ECPAS: variants seen among roughly 807,000 people sequenced by gnomAD.
ECPAS encodes the protein Ecm29 proteasome adaptor and scaffold, also known as proteasome adapter and scaffold protein ECM29.
ECPAS carries 70 observed loss-of-function variants against 255.1 expected under a neutral mutation model. The ratio of observed to expected loss-of-function variants is 0.27; its 90% CI spans 0.23 to 0.33. ECPAS has a LOEUF of 0.33. Ranked by LOEUF, ECPAS falls within the 10% of genes least tolerant of loss-of-function variation. The pLI, the probability that ECPAS is intolerant of heterozygous loss-of-function variation, is 1.00. For synonymous variants in ECPAS, 784 were observed against 775.0 expected, an observed-to-expected ratio of 1.01 and a Z score of -0.19; for missense variants, 1,817 against 2,206.4, an observed-to-expected ratio of 0.82 and a Z score of 3.54.
chr9:111,440,785 G>A (rs41416244), intron 5 of ECPAS, among the ~76,000 whole-genome samples: 6,247 of 152,238 alleles, frequency 0.041, 281 homozygotes, highest in East Asian at 0.14. Context: ...TACATCAAAT[G>A]GGCTCAGTGT....
In ECPAS at chr9:111,375,256, C is replaced by T. The variant is rs182705844; in HGVS notation, c.4021-54G>A. On this transcript the variant is annotated intron_variant, in intron 37 of 49. Coordinates refer to ENST00000684092, the MANE Select transcript of ECPAS (RefSeq NM_001364929.1). ...AGCCTTGGCAAATAAGTCAGGACCACATCTTCAATTAAAAACTGCCCTTGT... is the reference window on the plus strand; with the variant it reads ...AGCCTTGGCAAATAAGTCAGGACCATATCTTCAATTAAAAACTGCCCTTGT... 368 of 1,378,492 alleles carry T rather than the reference C, an allele frequency of 2.7e-4. 2 individuals are homozygous for T. In the African/African-American group the frequency reaches 4.8e-3, roughly 18 times the overall value. 85.4% of individuals were successfully genotyped at this position (1,378,492 alleles called of 1,614,324 possible).
chr9:111,414,341 T>A (rs1283106733), intron 19 of ECPAS, 88 bp downstream of exon 19: 1 of 1,134,376 alleles, frequency 8.8e-7, no homozygotes, highest in African/African-American at 1.5e-5. Flanking sequence ...AGAAAAAGAA[T>A]AATTTTGCTA....
intron 16 of ECPAS, among the ~76,000 whole-genome samples, chr9:111,418,917 A>C (rs1441012533): frequency 1.3e-5 from 2 of 152,206 alleles, no homozygotes; most frequent in Non-Finnish European, 2.9e-5. Context: ...AACAATCCAA[A>C]GCCACTTTAA....
intron 28 of ECPAS, 93 bp downstream of exon 28, chr9:111,392,675 T>C (rs903150470): frequency 1.3e-5 from 11 of 839,030 alleles, no homozygotes; most frequent in Non-Finnish European, 1.9e-5. Context: ...AACCAAAACA[T>C]GGAAAGCCGA....
rs887698734 is a variant in ECPAS, at chr9:111,429,880, C to T, written c.930+667G>A. On this transcript the variant is annotated intron_variant, in intron 9 of 49. Coordinates refer to ENST00000684092, the MANE Select transcript of ECPAS (RefSeq NM_001364929.1). Reference sequence around the variant, plus strand: ...AATGCAAGCATGCAAACAAATAATCCTTGTATATCTGGGTTTGGACCTGGA... The same window carrying T: ...AATGCAAGCATGCAAACAAATAATCTTTGTATATCTGGGTTTGGACCTGGA... 5.9e-4 allele frequency among the ~76,000 whole-genome samples: 90 copies of T among 152,212 alleles called. 1 individual carries two copies. Among genetic ancestry groups the T allele is most frequent in the Admixed American group, 5.8e-3 (89 of 15,280 alleles).
Position 111,397,165 on chromosome 9 carries a change from G to T in ECPAS, c.2653-12C>A. Reference sequence around the variant, plus strand: ...TCTATCTGCTTGGCCTGCAACGAAGGAAGTAAAAACCATGAATGAGAAAAC... The same window carrying T: ...TCTATCTGCTTGGCCTGCAACGAAGTAAGTAAAAACCATGAATGAGAAAAC... On this transcript the variant is annotated splice_polypyrimidine_tract_variant and intron_variant, in intron 24 of 49. Transcript: ENST00000684092. 6.2e-7 allele frequency: 1 copy of T among 1,612,658 alleles called. No individual in the cohort carries two copies. Among genetic ancestry groups the T allele is most frequent in the African/African-American group, 1.3e-5 (1 of 75,036 alleles).
At chr9:111,429,795 G>C (rs946917935) in intron 9 of ECPAS, among the ~76,000 whole-genome samples, 1 of 152,210 alleles carries the variant, frequency 6.6e-6, no homozygotes, top group Non-Finnish European at 1.5e-5. Flanking sequence ...CTTAAGCCCA[G>C]AAGTTCAAGT....
chr9:111,427,247 T>G (rs886720200), intron 10 of ECPAS, among the ~76,000 whole-genome samples: 2 of 151,610 alleles, frequency 1.3e-5, no homozygotes, highest in East Asian at 3.9e-4. Context: ...AATACTGCAA[T>G]AACCAAAACA....
intron 34 of ECPAS, 135 bp from the exon 35 acceptor site, chr9:111,383,467 C>T: frequency 8.4e-7 from 1 of 1,184,216 alleles, no homozygotes; most frequent in Non-Finnish European, 1.2e-6. Flanking sequence ...ACTACAGAGA[C>T]ACAGAGGAAT....
intron 3 of ECPAS, among the ~76,000 whole-genome samples, chr9:111,447,003 G>C (rs1216782245): frequency 6.6e-6 from 1 of 152,196 alleles, no homozygotes; most frequent in East Asian, 1.9e-4. Flanking sequence ...CTAAAGGAAA[G>C]AGCCCTCTTC....
chr9:111,393,321 G>A (rs955087451), intron 27 of ECPAS, among the ~76,000 whole-genome samples: 3 of 152,154 alleles, frequency 2.0e-5, no homozygotes, highest in African/African-American at 7.2e-5. Flanking sequence ...ACACATATAC[G>A]TTCACTCTCT....
rs181291117 is a variant in ECPAS at position 111,443,662 on chromosome 9, T to C, written c.270+716A>G. 3.7e-3 allele frequency among the ~76,000 whole-genome samples: 557 copies of C among 152,314 alleles called. 1 individual carries two copies. The highest frequency in any genetic ancestry group is 6.8e-3 in the Middle Eastern group (2 of 294). The stretch of plus-strand genomic sequence containing the variant: ...TTCCTATTTGCTTAAAGAAAGGAAA[T>C]GTATAATTGAGCCAAATATCCAGAA... On this transcript the variant is annotated intron_variant, in intron 4 of 49. Transcript: ENST00000684092.
chr9:111,386,256 G>C (rs1002809565), intron 32 of ECPAS, 121 bp downstream of exon 32: 1 of 710,002 alleles, frequency 1.4e-6, no homozygotes, highest in African/African-American at 1.8e-5. Context: ...GAGCCACCAC[G>C]CCCGGCCAGC....
Position 111,363,581 on chromosome 9 carries a change from A to T in ECPAS, c.5380+7T>A. The T allele has an allele frequency of 6.5e-7, 1 of 1,549,664 alleles. No homozygotes were observed. Among genetic ancestry groups the T allele is most frequent in the Non-Finnish European group, 8.9e-7 (1 of 1,128,872 alleles). On this transcript the variant is annotated splice_region_variant and intron_variant, in intron 49 of 49. Coordinates refer to ENST00000684092, the MANE Select transcript of ECPAS (RefSeq NM_001364929.1). ...TGGTCCCCCAGTCAGAACTAACAAC[A>T]ACTTACCTTCAAGTTTTTTAAGCAG...
In ECPAS at chr9:111,372,608, T is replaced by G; in HGVS notation, c.4349A>C (p.Lys1450Thr). 1 of 1,609,052 alleles carries G rather than the reference T, an allele frequency of 6.2e-7. No individual in the cohort carries two copies. The highest frequency in any genetic ancestry group is 8.5e-7 in the Non-Finnish European group (1 of 1,177,466). ...WYMEKEEPIY[K>T]TSCALTIHAI... ...ATGAATAGTCAAAGCACAAGAGGTC[T>G]TGTAGATAGGTTCTGAAAAGGAGAA... The change falls in exon 42 of 50, where the codon AAG becomes ACG. Residue 1450 changes from lysine to threonine, a missense_variant. By Grantham distance (78) the Lys-to-Thr change is moderately conservative. This residue lies in a region of ECPAS where 960 missense variants were observed against 1,179.0 expected (regional missense o/e 0.81). Transcript: ENST00000684092.
At chr9:111,461,629 T>C (rs1367780049) in intron 2 of ECPAS, among the ~76,000 whole-genome samples, 1 of 152,226 alleles carries the variant, frequency 6.6e-6, no homozygotes, top group African/African-American at 2.4e-5. Flanking sequence ...GAGTAAATGA[T>C]GGTCTTTTCA....
chr9:111,391,315 C>T (rs866336419), intron 29 of ECPAS, among the ~76,000 whole-genome samples: 2 of 152,222 alleles, frequency 1.3e-5, no homozygotes, highest in East Asian at 3.9e-4. Flanking sequence ...CAGTGGCTCA[C>T]GCCTGTAATC....
intron 49 of ECPAS, among the ~76,000 whole-genome samples, chr9:111,362,511 C>T (rs1043479200): frequency 6.6e-6 from 1 of 151,672 alleles, no homozygotes; most frequent in African/African-American, 2.4e-5. Flanking sequence ...AAAGTCATTT[C>T]AACAACACCA....
rs2098191600 is a variant in ECPAS at position 111,410,149 on chromosome 9, A to G, written c.2442T>C (p.Ile814=). ...GGATTGGAAGTGGACCATTTCTGCC[A>G]ATTTCACCCAGGGCTGTGCAGGCAG... ...AIAACTALGE[I]GRNGPLPIPS... Residue 814 remains isoleucine (I), a synonymous_variant, in exon 23 of 50, where the codon ATT becomes ATC. Transcript: ENST00000684092. 1.2e-6 allele frequency: 2 copies of G among 1,612,726 alleles called. No homozygotes were observed. Among genetic ancestry groups the G allele is most frequent in the Non-Finnish European group, 1.7e-6 (2 of 1,179,502 alleles).
Sources: gnomAD v4.1 joint callset for allele counts (sites outside exome capture counted in the v4.1 genomes callset) on GRCh38, gnomAD v4.1.1 for gene constraint, gnomAD v4.1.1 regional missense constraint, MANE v1.5 for transcripts, NCBI Gene and HGNC (gene_info 2026-07-23, HGNC 2026-07-21) for gene names.